The following LSAMP variants were observed in gnomAD, a reference collection of about 807,000 sequenced individuals.
LSAMP encodes the protein limbic system associated membrane protein.
In LSAMP, 7 loss-of-function variants were observed where a neutral mutation model predicts 38.6. The observed-to-expected ratio is 0.18, with a 90% confidence interval of 0.10 to 0.34. The LOEUF (loss-of-function observed/expected upper bound fraction) is 0.34. LSAMP is among the 10% of genes least tolerant of loss of function. The pLI, the probability that LSAMP is intolerant of heterozygous loss-of-function variation, is 1.00. For missense variants in LSAMP, 313 were observed against 420.0 expected (o/e 0.75, Z 2.23); for synonymous variants, 154 against 166.8 (o/e 0.92, Z 0.59).
At chr3:116,308,305 T>A in intron 1 of LSAMP, among the ~76,000 whole-genome samples, 1 of 152,172 alleles carries the variant, frequency 6.6e-6, no homozygotes, top group African/African-American at 2.4e-5. Context: ...TCAGCATCTA[T>A]GCCATAAGAT....
intron 1 of LSAMP, among the ~76,000 whole-genome samples, chr3:116,298,789 C>G (rs2047369176): frequency 6.6e-6 from 1 of 152,128 alleles, no homozygotes; most frequent in Non-Finnish European, 1.5e-5. Context: ...ACGAGCCTAT[C>G]TAGAGATACT....
chr3:116,356,750 G>A (rs970614647), intron 1 of LSAMP, among the ~76,000 whole-genome samples: 75 of 152,168 alleles, frequency 4.9e-4, no homozygotes, highest in African/African-American at 1.7e-3. Flanking sequence ...TAATTAAAAA[G>A]AAATCTCACT....
chr3:116,281,756 G>A (rs1467747706), intron 1 of LSAMP, among the ~76,000 whole-genome samples: 1 of 152,176 alleles, frequency 6.6e-6, no homozygotes, highest in Non-Finnish European at 1.5e-5. Context: ...CATTTAGAGT[G>A]TCACAGCATT....
At position 116,288,625 on chromosome 3, in the gene LSAMP, G is replaced by A. The variant is rs186897855; in HGVS notation, c.155+156252C>T. 7.2e-5 allele frequency among the ~76,000 whole-genome samples: 11 copies of A among 152,206 alleles called. No homozygotes were observed. In the East Asian group the frequency reaches 9.7e-4, roughly 13 times the overall value. The stretch of plus-strand genomic sequence containing the variant: ...AGAAGGTTTCCTGTGATGACGTCCC[G>A]AAAATACTGAGAGTTTCAATTTGCT... On this transcript the variant is annotated intron_variant, in intron 1 of 6. Coordinates refer to ENST00000490035, the MANE Select transcript of LSAMP (RefSeq NM_002338.5).
intron 3 of LSAMP, among the ~76,000 whole-genome samples, chr3:115,989,657 GT>G (rs1441603655): frequency 6.6e-6 from 1 of 151,988 alleles, no homozygotes; most frequent in African/African-American, 2.4e-5. Flanking sequence ...ATCCAGGCAT[GT>G]TTTAGAAGGG....
chr3:116,179,457 T>C (rs1710432743), intron 1 of LSAMP, among the ~76,000 whole-genome samples: 2 of 152,082 alleles, frequency 1.3e-5, no homozygotes, highest in African/African-American at 4.8e-5. Context: ...CAGTCCCTTC[T>C]CATACTGCTA....
intron 2 of LSAMP, among the ~76,000 whole-genome samples, chr3:116,082,258 C>G (rs1245045717): frequency 6.6e-6 from 1 of 152,078 alleles, no homozygotes; most frequent in Non-Finnish European, 1.5e-5. Flanking sequence ...GCTCTAGTAC[C>G]TGCTCTGTAG....
intron 1 of LSAMP, among the ~76,000 whole-genome samples, chr3:116,444,650 T>C (rs1416324616): frequency 1.3e-5 from 2 of 151,688 alleles, no homozygotes; most frequent in East Asian, 1.9e-4. Context: ...CCACTGCTGC[T>C]TGACAGGGAC....
chr3:116,284,157 T>C (rs2047164635), intron 1 of LSAMP, among the ~76,000 whole-genome samples: 1 of 152,158 alleles, frequency 6.6e-6, no homozygotes, highest in Non-Finnish European at 1.5e-5. Context: ...TTGAAGATGG[T>C]AAAGGTGATT....
intron 1 of LSAMP, among the ~76,000 whole-genome samples, chr3:116,116,554 C>T (rs1434283242): frequency 7.5e-6 from 1 of 133,294 alleles, no homozygotes; most frequent in African/African-American, 2.8e-5. Flanking sequence ...AAAAAAAATA[C>T]AAAATACAAA....
At chr3:116,038,296 T>G (rs1231303790) in intron 2 of LSAMP, among the ~76,000 whole-genome samples, 1 of 152,138 alleles carries the variant, frequency 6.6e-6, no homozygotes, top group Non-Finnish European at 1.5e-5. Flanking sequence ...GAAGTATTCA[T>G]AATAAATGTC....
intron 2 of LSAMP, among the ~76,000 whole-genome samples, chr3:116,069,412 G>A (rs932818845): frequency 6.6e-6 from 1 of 152,218 alleles, no homozygotes; most frequent in Non-Finnish European, 1.5e-5. Context: ...TCTTATGTAT[G>A]AGCAGGCTAT....
chr3:116,431,177 T>C (rs2049276401), intron 1 of LSAMP, among the ~76,000 whole-genome samples: 1 of 152,010 alleles, frequency 6.6e-6, no homozygotes, highest in African/African-American at 2.4e-5. Flanking sequence ...CCTCTATCAC[T>C]ATCAATCAGT....
intron 1 of LSAMP, among the ~76,000 whole-genome samples, chr3:116,138,857 T>A (rs1329617244): frequency 3.3e-5 from 5 of 151,558 alleles, no homozygotes; most frequent in Non-Finnish European, 7.4e-5. Flanking sequence ...TGGTTTAATA[T>A]TATTGAATTC....
chr3:116,151,700 G>A (rs541726589), intron 1 of LSAMP, among the ~76,000 whole-genome samples: 5 of 151,972 alleles, frequency 3.3e-5, no homozygotes, highest in South Asian at 4.1e-4. Flanking sequence ...GGACTTGTCC[G>A]TAAAGACCAA....
intron 1 of LSAMP, among the ~76,000 whole-genome samples, chr3:116,108,035 T>C (rs1397185198): frequency 6.6e-6 from 1 of 152,150 alleles, no homozygotes; most frequent in Non-Finnish European, 1.5e-5. Flanking sequence ...GCTTTAATCC[T>C]TTCAAAGCAT....
intron 6 of LSAMP, among the ~76,000 whole-genome samples, chr3:115,826,562 C>T (rs1436194749): frequency 6.6e-6 from 1 of 152,184 alleles, no homozygotes; most frequent in Non-Finnish European, 1.5e-5. Context: ...AGTACTTCTC[C>T]ATTTGGTCTG....
intron 1 of LSAMP, among the ~76,000 whole-genome samples, chr3:116,252,150 T>G (rs1329828011): frequency 6.6e-6 from 1 of 152,232 alleles, no homozygotes; most frequent in Non-Finnish European, 1.5e-5. Flanking sequence ...AAGGGGTCCC[T>G]GTATACACAG....
chr3:115,825,689 T>C (rs1934384741), intron 6 of LSAMP, among the ~76,000 whole-genome samples: 1 of 152,216 alleles, frequency 6.6e-6, no homozygotes, highest in South Asian at 2.1e-4. Flanking sequence ...CTAACCTTTA[T>C]TTTTATTTTT....
Sources: allele counts gnomAD v4.1 joint callset (sites outside exome capture counted in the v4.1 genomes callset), GRCh38; gene constraint gnomAD v4.1.1; transcripts MANE v1.5; gene names NCBI Gene and HGNC (gene_info 2026-07-23, HGNC 2026-07-21).